ADAMTS14: variants seen among roughly 807,000 people sequenced by gnomAD.
The protein encoded by ADAMTS14 is A disintegrin and metalloproteinase with thrombospondin motifs 14.
ADAMTS14 carries 100 observed loss-of-function variants against 128.6 expected under a neutral mutation model. The ratio of observed to expected loss-of-function variants is 0.78; its 90% CI spans 0.66 to 0.92. The LOEUF (loss-of-function observed/expected upper bound fraction) is 0.92. Ranked by LOEUF, ADAMTS14 falls within the 40% of genes least tolerant of loss-of-function variation. ADAMTS14 has a pLI of 0.00. For missense variants in ADAMTS14, 1,562 were observed against 1,658.6 expected, an observed-to-expected ratio of 0.94 and a Z score of 1.01; for synonymous variants, 665 against 653.8, an observed-to-expected ratio of 1.02 and a Z score of -0.26.
At chr10:70,722,673 A>T (rs1405524358) in intron 4 of ADAMTS14, among the ~76,000 whole-genome samples, 1 of 152,132 alleles carries the variant, frequency 6.6e-6, no homozygotes, top group Non-Finnish European at 1.5e-5. Context: ...TCCCCAAACC[A>T]TGGGGGTGTG....
chr10:70,701,513 G>A (rs929192299), intron 2 of ADAMTS14, among the ~76,000 whole-genome samples: 7 of 152,174 alleles, frequency 4.6e-5, no homozygotes, highest in South Asian at 2.1e-4. Context: ...GTATGTGCAC[G>A]TGTGCATATG....
At chr10:70,756,077 G>A (rs2587472) in intron 19 of ADAMTS14, among the ~76,000 whole-genome samples, 18,260 of 152,104 alleles carry the variant, frequency 0.12, 1,322 homozygotes, top group South Asian at 0.17. Context: ...TACCAAAATA[G>A]ATAAACTTCT....
chr10:70,710,359 T>A (rs1266071562), intron 4 of ADAMTS14, among the ~76,000 whole-genome samples: 1 of 152,202 alleles, frequency 6.6e-6, no homozygotes, highest in Non-Finnish European at 1.5e-5. Flanking sequence ...TGAGGCCTCT[T>A]TTGAAGGCCA....
chr10:70,689,511 G>C (rs1840122378), intron 2 of ADAMTS14, among the ~76,000 whole-genome samples: 1 of 145,306 alleles, frequency 6.9e-6, no homozygotes, highest in Non-Finnish European at 1.6e-5. Flanking sequence ...GGAGGCCCAT[G>C]GGAACTGTGG....
rs1207970449 is a variant in ADAMTS14, at chr10:70,752,223, C to T, written c.2725C>T (p.Pro909Ser). ...RRCNQHPCSQ[P>S]VWVTEEWGAC... is the part of the protein sequence containing the mutation. Reference sequence around the variant, plus strand: ...CTGCAACCAGCACCCGTGCTCTCAGCCTGTGTGAGTGCTCCCAGGGAGGGA... The same window carrying T: ...CTGCAACCAGCACCCGTGCTCTCAGTCTGTGTGAGTGCTCCCAGGGAGGGA... The change falls in exon 18 of 22, where the codon CCT becomes TCT. Residue 909 changes from proline (P) to serine (S), a missense_variant. By Grantham distance (74) the Pro-to-Ser change is moderately conservative. Coordinates refer to ENST00000373207, the MANE Select transcript of ADAMTS14 (RefSeq NM_080722.4). 1 of 1,613,464 alleles carries T rather than the reference C, an allele frequency of 6.2e-7. No individual in the cohort carries two copies. The highest frequency in any genetic ancestry group is 1.3e-5 in the African/African-American group (1 of 74,952).
chr10:70,755,811 T>C (rs1234412621), intron 19 of ADAMTS14, among the ~76,000 whole-genome samples: 3 of 152,206 alleles, frequency 2.0e-5, no homozygotes, highest in Non-Finnish European at 4.4e-5. Context: ...ATCACGCCAT[T>C]GTATTCCAGC....
At chr10:70,705,605 G>A (rs1288726612) in intron 3 of ADAMTS14, among the ~76,000 whole-genome samples, 2 of 152,170 alleles carry the variant, frequency 1.3e-5, no homozygotes, top group South Asian at 2.1e-4. Context: ...TTTCCCTGCC[G>A]TCCAACGCCC....
chr10:70,746,170 C>T lies in ADAMTS14; in HGVS notation c.2263+864C>T, dbSNP rs1290766455. The stretch of plus-strand genomic sequence containing the variant: ...TTACATTATTCTCATTATAATCATA[C>T]TTAAACACCAAGCCACTAAATGAGG... On this transcript the variant is annotated intron_variant, in intron 15 of 21. Transcript: ENST00000373207. Among the ~76,000 whole-genome samples the T allele has an allele frequency of 2.0e-5, 3 of 152,182 alleles. No individual in the cohort carries two copies. The East Asian group carries it at 5.8e-4, about 29-fold the overall frequency.
Position 70,672,902 on chromosome 10 carries a change from G to A in ADAMTS14, c.82+18G>A, listed in dbSNP as rs1178128975. The A allele has an allele frequency of 6.9e-7, 1 of 1,454,506 alleles. No homozygotes were observed. The allele number at this position is 1,454,506 out of a possible 1,614,324, so 90.1% of individuals were successfully genotyped here. ...GACCCCAGGTGCGTGCGGGTTGGGC[G>A]CGCGGGGGCCCGTGGGGTCCGGGGT... is the stretch of plus-strand genomic sequence containing the variant. On this transcript the variant is annotated intron_variant, in intron 1 of 21. Transcript: ENST00000373207.
At chr10:70,713,471 G>C (rs1840924513) in intron 4 of ADAMTS14, among the ~76,000 whole-genome samples, 1 of 152,226 alleles carries the variant, frequency 6.6e-6, no homozygotes, top group Admixed American at 6.5e-5. Flanking sequence ...AGCCCCAGGG[G>C]CCACAGGATG....
At chr10:70,692,512 T>C (rs1170140057) in intron 2 of ADAMTS14, among the ~76,000 whole-genome samples, 1 of 152,246 alleles carries the variant, frequency 6.6e-6, no homozygotes, top group Admixed American at 6.5e-5. Context: ...AAAGGAGAGA[T>C]ACATTATGTT....
chr10:70,684,675 TTTC>T (rs150296437), intron 2 of ADAMTS14, among the ~76,000 whole-genome samples: 1,605 of 152,372 alleles, frequency 0.011, 19 homozygotes, highest in African/African-American at 0.019. Context: ...AAAGTTAGCA[TTTC>T]TTCTTCTTCC....
At chr10:70,722,521 A>G (rs1448442192) in intron 4 of ADAMTS14, among the ~76,000 whole-genome samples, 1 of 152,304 alleles carries the variant, frequency 6.6e-6, no homozygotes, top group East Asian at 1.9e-4. Context: ...TGTATCCCTG[A>G]AAACAGGGAT....
chr10:70,696,355 G>A (rs1840332413), intron 2 of ADAMTS14, among the ~76,000 whole-genome samples: 1 of 150,540 alleles, frequency 6.6e-6, no homozygotes, highest in South Asian at 2.2e-4. Flanking sequence ...AGACTGGGCA[G>A]GGGGGCAGTG....
intron 8 of ADAMTS14, among the ~76,000 whole-genome samples, chr10:70,734,674 G>C (rs948762800): frequency 2.6e-5 from 4 of 152,218 alleles, no homozygotes; most frequent in Non-Finnish European, 4.4e-5. Context: ...CTTGAGGCCT[G>C]AGAATGGGAG....
At chr10:70,696,936 C>T (rs923961550) in intron 2 of ADAMTS14, among the ~76,000 whole-genome samples, 1 of 152,240 alleles carries the variant, frequency 6.6e-6, no homozygotes, top group Non-Finnish European at 1.5e-5. Context: ...GTGTATCACC[C>T]CAGCATCCAG....
intron 4 of ADAMTS14, among the ~76,000 whole-genome samples, chr10:70,723,610 C>G (rs369204453): frequency 2.0e-5 from 3 of 152,214 alleles, no homozygotes; most frequent in African/African-American, 4.8e-5. Flanking sequence ...CAAGGAGGCG[C>G]TTGTGGGCTG....
intron 2 of ADAMTS14, among the ~76,000 whole-genome samples, chr10:70,690,945 C>A (rs4747076): frequency 0.13 from 18,056 of 144,410 alleles, 3,658 homozygotes; most frequent in East Asian, 0.57. Context: ...GCTCCTTCGC[C>A]GAGCTTGGTG....
chr10:70,742,600 T>C (rs1842034998), intron 12 of ADAMTS14, among the ~76,000 whole-genome samples: 1 of 152,176 alleles, frequency 6.6e-6, no homozygotes, highest in South Asian at 2.1e-4. Context: ...GGAATCTTGG[T>C]TTGAAAGCCT....
Sources: allele counts gnomAD v4.1 joint callset (sites outside exome capture counted in the v4.1 genomes callset), GRCh38; gene constraint gnomAD v4.1.1; transcripts MANE v1.5; gene names NCBI Gene and HGNC (gene_info 2026-07-23, HGNC 2026-07-21).